The following COL4A2 variants were observed in gnomAD, a reference collection of about 807,000 sequenced individuals.
COL4A2 encodes collagen alpha-2(IV) chain.
In COL4A2, 99 loss-of-function variants were observed where a neutral mutation model predicts 200.2. That is an observed-to-expected ratio of 0.49 (90% CI 0.42 to 0.58). The LOEUF (loss-of-function observed/expected upper bound fraction) is 0.58, where lower values mean the gene tolerates loss of function less well. COL4A2 is among the 20% of genes least tolerant of loss of function. The pLI is 0.00. For missense variants in COL4A2, 1,950 were observed against 2,314.1 expected (o/e 0.84, Z 3.23); for synonymous variants, 897 against 900.6 (o/e 1.00, Z 0.07).
Position 110,473,000 on chromosome 13 carries a change from G to A in COL4A2, c.2275G>A (p.Gly759Ser), listed in dbSNP as rs866088460. Residue 759 changes from glycine (G) to serine (S), a missense_variant, in exon 29 of 48, where the codon GGC becomes AGC. By Grantham distance (56) the Gly-to-Ser change is moderately conservative (BLOSUM62 0). Around this residue, in one of 2 missense-constraint regions of COL4A2, gnomAD observed 1,385 missense variants for 1,720.5 expected, o/e 0.80. Coordinates refer to ENST00000360467, the MANE Select transcript of COL4A2 (RefSeq NM_001846.4). ...PGPDGSPGPI[G>S]LPGPDGPPGE... The stretch of plus-strand genomic sequence containing the variant: ...CCCAGATGGATCCCCAGGTCCCATC[G>A]GCCTGCCAGGGCCAGATGGGCCCCC... The A allele has an allele frequency of 1.5e-5, 23 of 1,526,026 alleles. No individual in the cohort carries two copies. Among genetic ancestry groups the A allele is most frequent in the East Asian group, 4.8e-5 (2 of 41,290 alleles). The allele number at this position is 1,526,026 out of a possible 1,614,324, so 94.5% of individuals were successfully genotyped here.
chr13:110,460,669 A>T (rs1271634102), intron 22 of COL4A2, among the ~76,000 whole-genome samples: 1 of 152,170 alleles, frequency 6.6e-6, no homozygotes, highest in African/African-American at 2.4e-5. Flanking sequence ...TGGAAACCAC[A>T]CTGAAGTGGG....
At chr13:110,420,580 C>CT (rs1245136863) in intron 4 of COL4A2, among the ~76,000 whole-genome samples, 1 of 152,198 alleles carries the variant, frequency 6.6e-6, no homozygotes, top group East Asian at 1.9e-4. Flanking sequence ...AAACTAGACT[C>CT]TTTTCACTTT....
intron 4 of COL4A2, among the ~76,000 whole-genome samples, chr13:110,394,551 C>T (rs1218606141): frequency 6.6e-6 from 1 of 152,214 alleles, no homozygotes; most frequent in Non-Finnish European, 1.5e-5. Flanking sequence ...GTTGTGTTGA[C>T]CTATGTTCAT....
intron 3 of COL4A2, among the ~76,000 whole-genome samples, chr13:110,355,451 TG>T (rs1214958383): frequency 1.2e-4 from 6 of 48,906 alleles, no homozygotes; most frequent in African/African-American, 3.5e-4. Flanking sequence ...CCTGTGTGTG[TG>T]GGGGAGGGCT....
chr13:110,354,448 G>T (rs1200837764), intron 3 of COL4A2, among the ~76,000 whole-genome samples: 1 of 152,134 alleles, frequency 6.6e-6, no homozygotes, highest in African/African-American at 2.4e-5. Flanking sequence ...TGAAAAATTG[G>T]CAAATACCTA....
At chr13:110,322,524 C>T (rs563805391) in intron 3 of COL4A2, among the ~76,000 whole-genome samples, 35 of 152,236 alleles carry the variant, frequency 2.3e-4, no homozygotes, top group Middle Eastern at 6.8e-3. Context: ...GGGATGGACG[C>T]GTCAAGACAA....
intron 4 of COL4A2, among the ~76,000 whole-genome samples, chr13:110,388,632 T>TCAGCA (rs909753235): frequency 1.6e-4 from 24 of 152,198 alleles, no homozygotes; most frequent in African/African-American, 5.3e-4. Context: ...CTGTGATGAG[T>TCAGCA]CAGCAAAAAA....
chr13:110,462,443 A>G lies in COL4A2; in HGVS notation c.1776+59A>G, dbSNP rs1280265643. ...CTCTTCTTCATCCTTCAGGTTCTCC[A>G]AACACCCCAGAAGCAAACAGTATTG... is the stretch of plus-strand genomic sequence containing the variant. On this transcript the variant is annotated intron_variant, in intron 24 of 47. Coordinates refer to ENST00000360467, the MANE Select transcript of COL4A2 (RefSeq NM_001846.4). 4.5e-6 allele frequency: 7 copies of G among 1,567,264 alleles called. No homozygotes were observed. The South Asian group carries it at 5.6e-5, about 13-fold the overall frequency.
chr13:110,484,927 C>G lies in COL4A2; in HGVS notation c.2925C>G (p.Pro975=), dbSNP rs1320754067. 7 of 1,612,270 alleles carry G rather than the reference C, an allele frequency of 4.3e-6. No homozygotes were observed. The highest frequency in any genetic ancestry group is 5.9e-6 in the Non-Finnish European group (7 of 1,178,698). Residue 975 remains proline (P), a synonymous_variant, in exon 33 of 48, where the codon CCC becomes CCG. Transcript: ENST00000360467. ...CAGGCAGCCGAGGGGACCCTGGGCC[C>G]CCAGGACCACCTCCTGTCATCCTGC... is the stretch of plus-strand genomic sequence containing the variant. ...GFKGSRGDPG[P]PGPPPVILPG... is the part of the protein sequence containing the mutation.
rs1348773169 is a variant in COL4A2, at chr13:110,503,832, C to G, written c.4139-15C>G. The G allele has an allele frequency of 3.7e-6, 6 of 1,613,764 alleles. No homozygotes were observed. The highest frequency in any genetic ancestry group is 2.2e-5 in the East Asian group (1 of 44,876). On this transcript the variant is annotated splice_polypyrimidine_tract_variant and intron_variant, in intron 43 of 47. Coordinates refer to ENST00000360467, the MANE Select transcript of COL4A2 (RefSeq NM_001846.4). ...ACCTTGTGTGTTTACTGGGGCCTCT[C>G]TGTTTCCCTTCCAGGTGCCCCCGGG...
chr13:110,319,172 C>T (rs367740728), intron 3 of COL4A2, among the ~76,000 whole-genome samples: 1 of 151,866 alleles, frequency 6.6e-6, no homozygotes, highest in Admixed American at 6.6e-5. Context: ...GTGCTGAGAC[C>T]CTGGTGGCTC....
intron 45 of COL4A2, among the ~76,000 whole-genome samples, chr13:110,505,113 G>C (rs1883798968): frequency 6.6e-6 from 1 of 151,930 alleles, no homozygotes; most frequent in African/African-American, 2.4e-5. Context: ...CACTTTGGGA[G>C]GCTGAGGTGG....
intron 3 of COL4A2, among the ~76,000 whole-genome samples, chr13:110,356,025 G>C (rs1387702525): frequency 6.6e-6 from 1 of 152,080 alleles, no homozygotes; most frequent in Non-Finnish European, 1.5e-5. Context: ...GGGTCACTCT[G>C]ATTGCCATCA....
chr13:110,494,084 A>C (rs1264791499), intron 39 of COL4A2, among the ~76,000 whole-genome samples: 1 of 152,230 alleles, frequency 6.6e-6, no homozygotes, highest in African/African-American at 2.4e-5. Flanking sequence ...CAGGAAAAAG[A>C]AACTAACAAC....
At chr13:110,436,859 A>T (rs1252157972) in intron 13 of COL4A2, among the ~76,000 whole-genome samples, 2 of 152,078 alleles carry the variant, frequency 1.3e-5, no homozygotes, top group Admixed American at 6.5e-5. Flanking sequence ...TGAAATAGGA[A>T]TTGCCGCGTC....
chr13:110,438,701 G>T (rs761577899), intron 15 of COL4A2, 33 bp downstream of exon 15: 49 of 1,613,886 alleles, frequency 3.0e-5, no homozygotes, highest in Non-Finnish European at 3.9e-5. Context: ...GCAGTTGTCG[G>T]TTTGGTTTGG....
chr13:110,496,594 T>C (rs1209974245), intron 40 of COL4A2, among the ~76,000 whole-genome samples: 1 of 80,754 alleles, frequency 1.2e-5, no homozygotes, highest in Non-Finnish European at 2.5e-5. Flanking sequence ...TCAGTCAGAG[T>C]TGAGGATCTA....
chr13:110,447,184 G>A (rs903176956), intron 18 of COL4A2, among the ~76,000 whole-genome samples: 6 of 152,192 alleles, frequency 3.9e-5, no homozygotes, highest in Middle Eastern at 3.4e-3. Flanking sequence ...TAGTTCTGCC[G>A]TCTGGACTAT....
chr13:110,465,007 T>C (rs1882177801), intron 24 of COL4A2, among the ~76,000 whole-genome samples: 1 of 152,238 alleles, frequency 6.6e-6, no homozygotes, highest in South Asian at 2.1e-4. Flanking sequence ...TAGCATCTCT[T>C]AAAATAACAG....
Sources: allele counts gnomAD v4.1 joint callset (sites outside exome capture counted in the v4.1 genomes callset), GRCh38; gene constraint gnomAD v4.1.1; regional missense constraint gnomAD v4.1.1; transcripts MANE v1.5; gene names NCBI Gene and HGNC (gene_info 2026-07-23, HGNC 2026-07-21).